SHROOM2: variants seen among roughly 807,000 people sequenced by gnomAD.
The protein encoded by SHROOM2 is shroom family member 2, also known as protein Shroom2.
In SHROOM2, 33 loss-of-function variants were observed where a neutral mutation model predicts 75.9. The observed-to-expected ratio is 0.43, with a 90% CI of 0.33 to 0.58. The LOEUF (loss-of-function observed/expected upper bound fraction) is 0.58. SHROOM2 is among the 20% of genes least tolerant of loss of function. The pLI, the probability that SHROOM2 is intolerant of heterozygous loss-of-function variation, is 0.04. For missense variants in SHROOM2, 1,434 were observed against 1,461.2 expected, an observed-to-expected ratio of 0.98 and a Z score of 0.30; for synonymous variants, 655 against 663.6, an observed-to-expected ratio of 0.99 and a Z score of 0.20.
In SHROOM2 at chrX:9,932,832, C is replaced by G; in HGVS notation, c.3549C>G (p.Asp1183Glu). 8.3e-7 allele frequency: 1 copy of G among 1,202,131 alleles called. No individual in the cohort carries two copies. Among genetic ancestry groups the G allele is most frequent in the Non-Finnish European group, 1.1e-6 (1 of 892,985 alleles). ...SPQFAPQKLT[D>E]KPPLLIQDED... The stretch of plus-strand genomic sequence containing the variant: ...AGTTCGCCCCCCAGAAACTGACGGA[C>G]AAACCTCCCCTGCTCATCCAGGATG... Residue 1183 changes from aspartate to glutamate, a missense_variant, in exon 6 of 10, where the codon GAC becomes GAG. By Grantham distance (45) the Asp-to-Glu change is conservative (BLOSUM62 2). Coordinates refer to ENST00000380913, the MANE Select transcript of SHROOM2 (RefSeq NM_001649.4).
intron 9 of SHROOM2, among the ~76,000 whole-genome samples, chrX:9,945,564 T>G (rs1364373671): frequency 8.9e-6 from 1 of 112,341 alleles, no homozygotes; most frequent in Admixed American, 9.4e-5. Flanking sequence ...TAATTGTCTC[T>G]TCTTAGAAAA....
chrX:9,908,620 G>A (rs2084404033), intron 5 of SHROOM2, among the ~76,000 whole-genome samples: 1 of 111,389 alleles, frequency 9.0e-6, no homozygotes, highest in African/African-American at 3.3e-5. Flanking sequence ...TATTATAAAT[G>A]TGCTTTCTGT....
At chrX:9,935,533 C>G (rs1310863737) in intron 6 of SHROOM2, among the ~76,000 whole-genome samples, 1 of 110,500 alleles carries the variant, frequency 9.0e-6, no homozygotes, top group African/African-American at 3.3e-5. Flanking sequence ...CACAGTTAGA[C>G]TTTGTAAATT....
intron 1 of SHROOM2, among the ~76,000 whole-genome samples, chrX:9,830,505 TAAACTGGAAG>T (rs1250650186): frequency 9.3e-6 from 1 of 107,728 alleles, no homozygotes; most frequent in Non-Finnish European, 1.9e-5. Flanking sequence ...ACCCAAAGAT[TAAACTGGAAG>T]AAAGCAGCTT....
intron 1 of SHROOM2, among the ~76,000 whole-genome samples, chrX:9,815,132 T>C (rs899717647): frequency 9.0e-6 from 1 of 111,609 alleles, no homozygotes; most frequent in East Asian, 2.8e-4. Flanking sequence ...GTCAAAGGTA[T>C]TATGTATAGA....
At chrX:9,911,811 T>C (rs2084428836) in intron 5 of SHROOM2, among the ~76,000 whole-genome samples, 1 of 111,344 alleles carries the variant, frequency 9.0e-6, no homozygotes, top group South Asian at 3.8e-4. Flanking sequence ...TAGAATAGGC[T>C]GTTGAATGTT....
intron 1 of SHROOM2, among the ~76,000 whole-genome samples, chrX:9,822,844 G>A (rs1257881738): frequency 8.9e-6 from 1 of 111,989 alleles, no homozygotes; most frequent in East Asian, 2.8e-4. Flanking sequence ...GGCAGGAGCG[G>A]ACCTCCCTGG....
intron 1 of SHROOM2, among the ~76,000 whole-genome samples, chrX:9,790,069 G>A (rs144431240): frequency 0.021 from 2,376 of 112,293 alleles, 54 homozygotes; most frequent in African/African-American, 0.073. Flanking sequence ...CAGTGTGAAT[G>A]CCAAAGACGG....
At chrX:9,861,214 T>TGGA (rs2084101728) in intron 1 of SHROOM2, among the ~76,000 whole-genome samples, 1 of 112,435 alleles carries the variant, frequency 8.9e-6, no homozygotes, top group Non-Finnish European at 1.9e-5. Context: ...TCCCCCAGGC[T>TGGA]GGAGTGCAGT....
At chrX:9,943,901 G>A (rs1412996255) in intron 8 of SHROOM2, among the ~76,000 whole-genome samples, 1 of 109,647 alleles carries the variant, frequency 9.1e-6, no homozygotes, top group Non-Finnish European at 1.9e-5. Flanking sequence ...TAATTGCTAG[G>A]CCAGGCCCGG....
intron 1 of SHROOM2, among the ~76,000 whole-genome samples, chrX:9,855,321 A>AAAAAT (rs57702482): frequency 9.5e-6 from 1 of 105,477 alleles, no homozygotes; most frequent in Non-Finnish European, 2.0e-5. Flanking sequence ...AAAAAAAAAA[A>AAAAAT]GGCATCCTAT....
intron 1 of SHROOM2, among the ~76,000 whole-genome samples, chrX:9,862,109 C>T (rs938567177): frequency 1.3e-4 from 15 of 112,073 alleles, no homozygotes; most frequent in Non-Finnish European, 2.4e-4. Context: ...ATGCAAAGCT[C>T]AAAATATTTA....
chrX:9,802,301 T>C (rs2083727845), intron 1 of SHROOM2, among the ~76,000 whole-genome samples: 1 of 111,744 alleles, frequency 8.9e-6, no homozygotes, highest in Non-Finnish European at 1.9e-5. Context: ...TGGGAGCTCG[T>C]TAGAACTGCA....
At chrX:9,884,505 C>A (rs1292996825) in intron 2 of SHROOM2, among the ~76,000 whole-genome samples, 2 of 102,757 alleles carry the variant, frequency 1.9e-5, no homozygotes, top group African/African-American at 3.7e-5. Context: ...CTAATCTGTT[C>A]TTTCTTTTTT....
At chrX:9,937,050 C>A (rs1423823046) in intron 6 of SHROOM2, 84 bp from the exon 7 acceptor site, 4 of 991,428 alleles carry the variant, frequency 4.0e-6, no homozygotes, top group Non-Finnish European at 5.4e-6. Flanking sequence ...AGGTTCCCAT[C>A]CAGAGGGGAG....
At chrX:9,858,497 A>G (rs900842667) in intron 1 of SHROOM2, among the ~76,000 whole-genome samples, 15 of 112,503 alleles carry the variant, frequency 1.3e-4, no homozygotes, top group African/African-American at 4.5e-4. Context: ...TGATGTGATG[A>G]CTTGCTTTCA....
chrX:9,913,807 A>C (rs761144678), intron 5 of SHROOM2, among the ~76,000 whole-genome samples: 10 of 112,358 alleles, frequency 8.9e-5, no homozygotes, highest in African/African-American at 3.2e-4. Flanking sequence ...TTATAAGATG[A>C]ATGGAAAATA....
At chrX:9,901,283 A>T (rs1265972577) in intron 5 of SHROOM2, among the ~76,000 whole-genome samples, 1 of 112,107 alleles carries the variant, frequency 8.9e-6, no homozygotes, top group Non-Finnish European at 1.9e-5. Flanking sequence ...GTCTTCCAAT[A>T]CAGTCACATT....
At chrX:9,910,566 C>T (rs1233445244) in intron 5 of SHROOM2, among the ~76,000 whole-genome samples, 3 of 110,313 alleles carry the variant, frequency 2.7e-5, no homozygotes, top group Non-Finnish European at 5.7e-5. Flanking sequence ...CCTGTAATCC[C>T]AGCACTTTGG....
Sources: allele counts gnomAD v4.1 joint callset (sites outside exome capture counted in the v4.1 genomes callset), GRCh38; gene constraint gnomAD v4.1.1; transcripts MANE v1.5; gene names NCBI Gene and HGNC (gene_info 2026-07-23, HGNC 2026-07-21).